The following MON1A variants were observed in gnomAD, a reference collection of about 807,000 sequenced individuals.
MON1A encodes MON1 vesicular trafficking associated A.
MON1A carries 29 observed loss-of-function variants against 44.6 expected under a neutral mutation model. That is an observed-to-expected ratio of 0.65 (90% CI 0.48 to 0.89). The LOEUF is 0.89. Ranked by LOEUF, MON1A falls within the 40% of genes least tolerant of loss-of-function variation. MON1A has a pLI of 0.00. For missense variants in MON1A, 615 were observed against 759.6 expected (o/e 0.81, Z 2.24); for synonymous variants, 275 against 316.4 (o/e 0.87, Z 1.39).
intron 1 of MON1A, among the ~76,000 whole-genome samples, chr3:49,923,318 C>A (rs62262094): frequency 5.3e-5 from 6 of 113,876 alleles, no homozygotes; most frequent in Non-Finnish European, 8.4e-5. Context: ...GGTGACACAG[C>A]GAGACTCTGG....
Position 49,911,930 on chromosome 3 carries a change from C to T in MON1A, c.209G>A (p.Gly70Glu), listed in dbSNP as rs1559492469. The change falls in exon 3 of 6, where the codon GGG (glycine) becomes GAG (glutamate). Residue 70 changes from glycine to glutamate, a missense_variant. Transcript: ENST00000296473. The surrounding 1 kb of genome is among the most constrained non-coding windows in gnomAD (Gnocchi z 5.7). ...CCTGGTACCCTCCTTGTGGCTGTCC[C>T]CAGAAGCTGCCCCATCCTCTGACTC... Reference protein sequence around the residue: ...LTESEDGAASGDSHKEGTRGP... With the variant: ...LTESEDGAASEDSHKEGTRGP... The T allele has an allele frequency of 7.4e-6, 12 of 1,613,440 alleles. No homozygotes were observed. The highest frequency in any genetic ancestry group is 1.0e-5 in the Non-Finnish European group (12 of 1,179,816).
intron 1 of MON1A, among the ~76,000 whole-genome samples, chr3:49,923,536 C>T (rs1423078440): frequency 1.3e-5 from 2 of 149,568 alleles, no homozygotes; most frequent in Non-Finnish European, 3.0e-5. Flanking sequence ...GCAATCTCAG[C>T]TCCACCTCCC....
intron 1 of MON1A, among the ~76,000 whole-genome samples, chr3:49,918,654 C>G (rs1264511468): frequency 6.6e-6 from 1 of 151,784 alleles, no homozygotes; most frequent in African/African-American, 2.4e-5. Context: ...TCAAATGATC[C>G]ACCCGCCTCA....
intron 1 of MON1A, 54 bp downstream of exon 1, chr3:49,929,555 C>T (rs889501107): frequency 6.5e-7 from 1 of 1,544,686 alleles, no homozygotes; most frequent in African/African-American, 1.4e-5. Flanking sequence ...CCAAAGATGA[C>T]AGCTCTCCAG....
At chr3:49,924,809 C>A (rs1346752430) in intron 1 of MON1A, 2 of 153,904 alleles carry the variant, frequency 1.3e-5, no homozygotes, top group African/African-American at 2.4e-5. Flanking sequence ...GACATGTAAG[C>A]AGCTCTATGG....
chr3:49,910,427 G>A lies in MON1A; in HGVS notation c.1071C>T (p.Ser357=), dbSNP rs1252537400. Residue 357 remains serine, a synonymous_variant, in exon 4 of 6, where the codon TCC becomes TCT. Coordinates refer to ENST00000296473, the MANE Select transcript of MON1A (RefSeq NM_032355.4). The surrounding 1 kb of genome is among the most constrained non-coding windows in gnomAD (Gnocchi z 8.0). The part of the protein sequence containing the change: ...LLFNLISSSS[S]FREGEAWTPV... ...GCGTCCAGGCCTCGCCCTCGCGAAA[G>A]GACGAGGAGGAACTAATGAGGTTGA... 2.5e-6 allele frequency: 4 copies of A among 1,614,122 alleles called. No individual in the cohort carries two copies. In the Admixed American group the frequency reaches 6.7e-5, roughly 27 times the overall value.
chr3:49,929,458 C>A (rs539990537), intron 1 of MON1A, 151 bp downstream of exon 1: 14 of 901,264 alleles, frequency 1.6e-5, no homozygotes, highest in African/African-American at 1.4e-4. Context: ...GGGGACTAGC[C>A]GGCTGAGGGA....
chr3:49,917,113 A>ACG (rs1316393643), intron 1 of MON1A, among the ~76,000 whole-genome samples: 11 of 152,122 alleles, frequency 7.2e-5, no homozygotes, highest in Non-Finnish European at 1.5e-4. Context: ...GGCGTGAGCC[A>ACG]CCATGCGTGG....
chr3:49,929,713 A>G lies in MON1A; in HGVS notation c.-118T>C. ...CCGGCCGGGGCCGGCCTGAGGGCACAGCTTCGCGGGGCCCCGGCCCCCTGC... is the reference window on the plus strand; with the variant it reads ...CCGGCCGGGGCCGGCCTGAGGGCACGGCTTCGCGGGGCCCCGGCCCCCTGC... On this transcript the variant is annotated 5_prime_UTR_variant, in exon 1 of 6. Transcript: ENST00000296473. The G allele has an allele frequency of 6.4e-7, 1 of 1,550,398 alleles. No homozygotes were observed. The highest frequency in any genetic ancestry group is 8.7e-7 in the Non-Finnish European group (1 of 1,146,748).
intron 1 of MON1A, among the ~76,000 whole-genome samples, chr3:49,915,630 G>A (rs937341448): frequency 9.2e-5 from 14 of 152,246 alleles, no homozygotes; most frequent in Admixed American, 9.2e-4. Flanking sequence ...GTGAGACACA[G>A]GCAACAGGCT....
chr3:49,920,366 G>A (rs986053059), intron 1 of MON1A, among the ~76,000 whole-genome samples: 56 of 152,196 alleles, frequency 3.7e-4, no homozygotes, highest in African/African-American at 1.3e-3. Context: ...CCTCTTCTCT[G>A]TCTTCACTCA....
chr3:49,916,396 T>C (rs1189556017), intron 1 of MON1A: 2 of 152,216 alleles, frequency 1.3e-5, no homozygotes, highest in African/African-American at 4.8e-5. Flanking sequence ...CTTCTTTTTG[T>C]CACCTTTAAG....
At position 49,911,587 on chromosome 3, in the gene MON1A, A is replaced by C. The variant is rs1056768962; in HGVS notation, c.552T>G (p.Val184=). The C allele has an allele frequency of 6.2e-7, 1 of 1,614,024 alleles. No homozygotes were observed. The highest frequency in any genetic ancestry group is 1.7e-5 in the Admixed American group (1 of 60,008). ...CCAGGAAGGACACCAGGGCCACCAT[A>C]ACACCCATAGTGCTGGAAAGTGCCT... ...SEEALSSTMG[V]MVALVSFLEA... Residue 184 remains valine, a synonymous_variant, in exon 3 of 6, where the codon GTT becomes GTG. Coordinates refer to ENST00000296473, the MANE Select transcript of MON1A (RefSeq NM_032355.4). This position sits in a 1 kb window ranked among gnomAD's most constrained non-coding sequence, Gnocchi z 5.7.
chr3:49,920,397 G>C (rs2082985814), intron 1 of MON1A, among the ~76,000 whole-genome samples: 1 of 151,940 alleles, frequency 6.6e-6, no homozygotes, highest in Non-Finnish European at 1.5e-5. Flanking sequence ...GATCTCATTT[G>C]GTCTCATAGT....
In MON1A at chr3:49,910,719, T is replaced by C; in HGVS notation, c.779A>G (p.Gln260Arg). Reference protein sequence around the residue: ...AQLSHIFQQKQNYDLRRLLSG... With the variant: ...AQLSHIFQQKRNYDLRRLLSG... ...GAGTAGGCGCCGCAAATCATAGTTC[T>C]GCTTCTGCTGGAAGATGTGGCTCAG... Residue 260 changes from glutamine (Q) to arginine (R), a missense_variant, in exon 4 of 6, where the codon CAG becomes CGG. Physicochemically the swap from Gln to Arg is conservative, Grantham distance 43. Transcript: ENST00000296473. This position sits in a 1 kb window ranked among gnomAD's most constrained non-coding sequence, Gnocchi z 8.0. The C allele has an allele frequency of 1.2e-6, 2 of 1,613,884 alleles. No homozygotes were observed. Among genetic ancestry groups the C allele is most frequent in the Non-Finnish European group, 1.7e-6 (2 of 1,179,920 alleles).
At chr3:49,926,257 C>T (rs1406544274) in intron 1 of MON1A, among the ~76,000 whole-genome samples, 1 of 152,164 alleles carries the variant, frequency 6.6e-6, no homozygotes, top group African/African-American at 2.4e-5. Context: ...AACTTTCCCC[C>T]TGCACCCCAC....
intron 2 of MON1A, chr3:49,912,584 C>G (rs1559492720): frequency 5.8e-6 from 1 of 172,788 alleles, no homozygotes; most frequent in Non-Finnish European, 1.2e-5. Context: ...GTGTCTGGAG[C>G]ACTGCCCATA....
At chr3:49,912,269 A>G (rs1445451632) in intron 2 of MON1A, 1 of 410,172 alleles carries the variant, frequency 2.4e-6, no homozygotes, top group Non-Finnish European at 4.3e-6. Context: ...TCTCATTCCC[A>G]TCTCCCACCC....
chr3:49,909,182 T>C lies in MON1A; in HGVS notation c.1528-28A>G. On this transcript the variant is annotated intron_variant, in intron 5 of 5. Transcript: ENST00000296473. The surrounding 1 kb of genome is among the most constrained non-coding windows in gnomAD (Gnocchi z 4.0). ...GGAGAAGGGGCAAAGGGTCGTCATC[T>C]AGGTTAGAGGCCCCTCATGGCCCAT... is the stretch of plus-strand genomic sequence containing the variant. 3.1e-6 allele frequency: 5 copies of C among 1,610,170 alleles called. No homozygotes were observed. Among genetic ancestry groups the C allele is most frequent in the Non-Finnish European group, 3.4e-6 (4 of 1,177,352 alleles).
Sources: gnomAD v4.1 joint callset for allele counts (sites outside exome capture counted in the v4.1 genomes callset) on GRCh38, gnomAD v4.1.1 for gene constraint, Gnocchi (gnomAD v3.1) non-coding constraint, MANE v1.5 for transcripts, NCBI Gene and HGNC (gene_info 2026-07-23, HGNC 2026-07-21) for gene names.